TIMD4: variants seen among roughly 807,000 people sequenced by gnomAD.
TIMD4 encodes the protein T-cell immunoglobulin and mucin domain-containing protein 4.
A neutral mutation model predicts 41.2 loss-of-function variants in TIMD4; 31 were observed. The ratio of observed to expected loss-of-function variants is 0.75; its 90% CI spans 0.57 to 1.01. The LOEUF (loss-of-function observed/expected upper bound fraction) is 1.01. TIMD4 is among the 50% of genes least tolerant of loss of function. The probability of loss-of-function intolerance (pLI) is 0.00; values close to 1 mark genes in which losing one functional copy is unlikely to be tolerated. For missense variants in TIMD4, 479 were observed against 472.5 expected, an observed-to-expected ratio of 1.01 and a Z score of -0.13; for synonymous variants, 204 against 177.1, an observed-to-expected ratio of 1.15 and a Z score of -1.21.
chr5:156,951,366 C>A (rs1164910492), intron 3 of TIMD4, 146 bp downstream of exon 3: 2 of 990,022 alleles, frequency 2.0e-6, no homozygotes, highest in Non-Finnish European at 1.5e-6. Context: ...ACCCAGTCTG[C>A]GGTGTTTGTT....
intron 5 of TIMD4, among the ~76,000 whole-genome samples, chr5:156,929,679 C>G (rs2113349769): frequency 6.6e-6 from 1 of 152,258 alleles, no homozygotes; most frequent in African/African-American, 2.4e-5. Context: ...CATGGCTGTG[C>G]CAACCCCTTG....
intron 5 of TIMD4, among the ~76,000 whole-genome samples, chr5:156,947,022 AC>A (rs1445011246): frequency 1.3e-5 from 2 of 151,462 alleles, no homozygotes; most frequent in African/African-American, 4.9e-5. Context: ...ACGTGGTGAA[AC>A]CCCATCTCTA....
intron 5 of TIMD4, among the ~76,000 whole-genome samples, chr5:156,947,001 C>A (rs1352805024): frequency 6.6e-6 from 1 of 151,806 alleles, no homozygotes; most frequent in Non-Finnish European, 1.5e-5. Flanking sequence ...AGTTCAAGAC[C>A]AACCAGGGCA....
intron 1 of TIMD4, among the ~76,000 whole-genome samples, chr5:156,959,179 T>C (rs1440588661): frequency 6.6e-6 from 1 of 152,180 alleles, no homozygotes; most frequent in Non-Finnish European, 1.5e-5. Context: ...TCACTCATCT[T>C]ATTAAAAATT....
chr5:156,940,944 A>G (rs960528659), intron 5 of TIMD4, among the ~76,000 whole-genome samples: 1 of 152,266 alleles, frequency 6.6e-6, no homozygotes, highest in African/African-American at 2.4e-5. Flanking sequence ...AAGTAGACAT[A>G]GGAGACTCCA....
intron 4 of TIMD4, among the ~76,000 whole-genome samples, chr5:156,949,421 T>C (rs1301288169): frequency 1.7e-4 from 3 of 17,772 alleles, no homozygotes; most frequent in Non-Finnish European, 3.6e-4. Flanking sequence ...CCTACCTCCC[T>C]CCTCCTCCTC....
chr5:156,939,583 G>C (rs1759602585), intron 5 of TIMD4, among the ~76,000 whole-genome samples: 1 of 152,174 alleles, frequency 6.6e-6, no homozygotes, highest in Non-Finnish European at 1.5e-5. Context: ...ACTTTCAACT[G>C]CCTGTTAGAC....
At chr5:156,937,739 T>C (rs1372594401) in intron 5 of TIMD4, among the ~76,000 whole-genome samples, 3 of 152,224 alleles carry the variant, frequency 2.0e-5, no homozygotes, top group African/African-American at 7.2e-5. Flanking sequence ...TCCAATGTTA[T>C]TAATAAAAAA....
intron 5 of TIMD4, among the ~76,000 whole-genome samples, chr5:156,926,725 A>G (rs7722541): frequency 0.21 from 31,491 of 152,214 alleles, 3,798 homozygotes; most frequent in Admixed American, 0.32. Context: ...AGAATTTACA[A>G]CTTAGTGCAG....
chr5:156,936,800 C>T (rs192314767), intron 5 of TIMD4, among the ~76,000 whole-genome samples: 611 of 151,288 alleles, frequency 4.0e-3, no homozygotes, highest in African/African-American at 9.4e-3. Flanking sequence ...GGCATGATGG[C>T]GGGTGCCTGT....
chr5:156,950,936 T>C (rs955467606), intron 3 of TIMD4, among the ~76,000 whole-genome samples: 12 of 150,402 alleles, frequency 8.0e-5, no homozygotes, highest in African/African-American at 2.9e-4. Flanking sequence ...TCAAAAACAC[T>C]AAGGAAAAGG....
At chr5:156,940,081 T>C (rs10062458) in intron 5 of TIMD4, among the ~76,000 whole-genome samples, 108,269 of 152,206 alleles carry the variant, frequency 0.71, 38,855 homozygotes, top group East Asian at 0.85. Context: ...CTCAGCCTGC[T>C]GAGTGCCTGG....
chr5:156,938,639 T>G (rs1382614185), intron 5 of TIMD4, among the ~76,000 whole-genome samples: 2 of 152,182 alleles, frequency 1.3e-5, no homozygotes, highest in Non-Finnish European at 2.9e-5. Context: ...GACTGCATCC[T>G]CCTATGCCAT....
chr5:156,935,913 G>C (rs142300944), intron 5 of TIMD4, among the ~76,000 whole-genome samples: 1 of 152,190 alleles, frequency 6.6e-6, no homozygotes, highest in East Asian at 1.9e-4. Flanking sequence ...GCAATGTCTA[G>C]CACTGGGCTT....
intron 5 of TIMD4, among the ~76,000 whole-genome samples, chr5:156,943,664 A>T (rs2113371560): frequency 6.6e-6 from 1 of 152,282 alleles, no homozygotes; most frequent in Admixed American, 6.5e-5. Context: ...GTAGCTTTTT[A>T]TGCCCTGGCT....
chr5:156,956,953 T>A (rs1168651517), intron 1 of TIMD4, among the ~76,000 whole-genome samples: 2 of 152,046 alleles, frequency 1.3e-5, no homozygotes, highest in African/African-American at 4.8e-5. Flanking sequence ...TTCCTCTCTC[T>A]AGGAGAAGGT....
chr5:156,939,979 C>T (rs970344438), intron 5 of TIMD4, among the ~76,000 whole-genome samples: 2 of 152,262 alleles, frequency 1.3e-5, no homozygotes, highest in Admixed American at 1.3e-4. Flanking sequence ...TCGTCTCCGT[C>T]TCCCGCTTTC....
At chr5:156,957,070 C>T (rs1759984731) in intron 1 of TIMD4, among the ~76,000 whole-genome samples, 1 of 151,732 alleles carries the variant, frequency 6.6e-6, no homozygotes, top group Admixed American at 6.6e-5. Flanking sequence ...CATTCTGTCG[C>T]CTAGGCTGAA....
intron 1 of TIMD4, among the ~76,000 whole-genome samples, chr5:156,962,241 C>G (rs1284690948): frequency 2.0e-5 from 3 of 151,964 alleles, no homozygotes; most frequent in African/African-American, 7.3e-5. Flanking sequence ...TTGTGTATTT[C>G]AAAATAACTA....
Sources: allele counts gnomAD v4.1 joint callset (sites outside exome capture counted in the v4.1 genomes callset), GRCh38; gene constraint gnomAD v4.1.1; transcripts MANE v1.5; gene names NCBI Gene and HGNC (gene_info 2026-07-23, HGNC 2026-07-21).